Variants in LSAMP observed in about 807,000 individuals in gnomAD.
LSAMP encodes the protein limbic system-associated membrane protein.
Under a neutral mutation model 38.6 loss-of-function variants are expected in LSAMP, and 7 were observed. That is an observed-to-expected ratio of 0.18 (90% confidence interval 0.10 to 0.34). The LOEUF (loss-of-function observed/expected upper bound fraction) is 0.34, where lower values mean the gene tolerates loss of function less well. Among genes scored for constraint, LSAMP ranks in the 10% least tolerant of loss-of-function variants. The probability of loss-of-function intolerance (pLI) is 1.00; values close to 1 mark genes in which losing one functional copy is unlikely to be tolerated. For missense variants in LSAMP, 313 were observed against 420.0 expected (o/e 0.75, Z 2.23); for synonymous variants, 154 against 166.8 (o/e 0.92, Z 0.59).
intron 3 of LSAMP, among the ~76,000 whole-genome samples, chr3:115,894,403 C>CG (rs886585337): frequency 6.6e-6 from 1 of 151,934 alleles, no homozygotes; most frequent in African/African-American, 2.4e-5. Context: ...CCAAGACCCT[C>CG]GGTACTCTCT....
chr3:116,207,359 A>G (rs896985901), intron 1 of LSAMP, among the ~76,000 whole-genome samples: 1 of 151,944 alleles, frequency 6.6e-6, no homozygotes, highest in Non-Finnish European at 1.5e-5. Flanking sequence ...TCTTTATCCA[A>G]TTTGCCAGTC....
At chr3:116,397,396 CA>C (rs1322649209) in intron 1 of LSAMP, among the ~76,000 whole-genome samples, 54 of 138,960 alleles carry the variant, frequency 3.9e-4, no homozygotes, top group Non-Finnish European at 5.3e-4. Flanking sequence ...GCCCCCCCCC[CA>C]CACACACATA....
chr3:116,100,659 T>A (rs1313463952), intron 1 of LSAMP, among the ~76,000 whole-genome samples: 1 of 152,166 alleles, frequency 6.6e-6, no homozygotes, highest in Non-Finnish European at 1.5e-5. Flanking sequence ...TCTTTCATAG[T>A]GAACAGAATG....
At chr3:116,109,224 A>G (rs1332627091) in intron 1 of LSAMP, among the ~76,000 whole-genome samples, 1 of 152,146 alleles carries the variant, frequency 6.6e-6, no homozygotes, top group African/African-American at 2.4e-5. Context: ...TTTAAGAGTA[A>G]ATTGCTGGGC....
chr3:116,436,909 A>T (rs951917468), intron 1 of LSAMP, among the ~76,000 whole-genome samples: 2 of 152,084 alleles, frequency 1.3e-5, no homozygotes, highest in African/African-American at 4.8e-5. Context: ...ATAGCAGCAC[A>T]ATTCACAACT....
At chr3:115,949,252 C>T (rs971150655) in intron 3 of LSAMP, among the ~76,000 whole-genome samples, 14 of 152,114 alleles carry the variant, frequency 9.2e-5, no homozygotes, top group Admixed American at 3.9e-4. Context: ...GAAAAAGACC[C>T]TGTCTCTAAA....
intron 1 of LSAMP, 22 bp downstream of exon 1, chr3:116,444,855 A>C: frequency 6.2e-7 from 1 of 1,613,754 alleles, no homozygotes; most frequent in South Asian, 1.1e-5. Flanking sequence ...CGCGCAGCAG[A>C]AAAGTTGCCC....
At chr3:116,245,320 G>T (rs1289982279) in intron 1 of LSAMP, among the ~76,000 whole-genome samples, 1 of 152,036 alleles carries the variant, frequency 6.6e-6, no homozygotes, top group Non-Finnish European at 1.5e-5. Context: ...ATAAATTTTG[G>T]CTGTTTCAGT....
intron 3 of LSAMP, among the ~76,000 whole-genome samples, chr3:115,896,153 C>T (rs539343968): frequency 9.2e-5 from 14 of 152,064 alleles, no homozygotes; most frequent in Admixed American, 2.6e-4. Flanking sequence ...ATTCTTTCTC[C>T]TTTCTAATTT....
At chr3:115,962,673 T>C (rs1938667684) in intron 3 of LSAMP, among the ~76,000 whole-genome samples, 1 of 152,218 alleles carries the variant, frequency 6.6e-6, no homozygotes, top group Non-Finnish European at 1.5e-5. Context: ...TTTCAACTTT[T>C]AGGTTACTCC....
intron 1 of LSAMP, among the ~76,000 whole-genome samples, chr3:116,318,549 C>T (rs1042727448): frequency 2.0e-5 from 3 of 152,120 alleles, no homozygotes; most frequent in African/African-American, 7.2e-5. Context: ...TAATTAGCTC[C>T]AAGAGAGGTT....
At position 115,808,022 on chromosome 3, in the gene LSAMP, A is replaced by C. The variant is rs1190003189; in HGVS notation, c.*2295T>G. ...AAAACAAACAATAAAATCCCTTAGA[A>C]GAAATTGAAGAAATTAACAATGCTA... On this transcript the variant is annotated 3_prime_UTR_variant, in exon 7 of 7. Transcript: ENST00000490035. The C allele has an allele frequency of 6.6e-6, 1 of 151,928 alleles. No individual in the cohort carries two copies. The highest frequency in any genetic ancestry group is 1.5e-5 in the Non-Finnish European group (1 of 67,936). 9.4% of individuals were successfully genotyped at this position (151,928 alleles called of 1,614,324 possible). A position where few individuals can be genotyped will look rare whatever the true frequency, so the allele number is the denominator to read the frequency against.
rs567194189 is a variant in LSAMP, at chr3:116,272,174, A to T, written c.155+172703T>A. Among the ~76,000 whole-genome samples the T allele has an allele frequency of 3.9e-4, 59 of 152,098 alleles. 2 individuals are homozygous for T. The South Asian group carries it at 7.0e-3, about 18-fold the overall frequency. ...AATATATATATATATAATAAAAACAACACAGAAACTATGTATGTGCGAATA... is the reference window on the plus strand; with the variant it reads ...AATATATATATATATAATAAAAACATCACAGAAACTATGTATGTGCGAATA... On this transcript the variant is annotated intron_variant, in intron 1 of 6. Coordinates refer to ENST00000490035, the MANE Select transcript of LSAMP (RefSeq NM_002338.5).
At chr3:116,119,162 AT>A (rs1300393671) in intron 1 of LSAMP, among the ~76,000 whole-genome samples, 1 of 152,198 alleles carries the variant, frequency 6.6e-6, no homozygotes, top group Non-Finnish European at 1.5e-5. Flanking sequence ...ACATTGCCTC[AT>A]TCCAGAGAAA....
At chr3:116,354,877 G>GCA (rs1336929489) in intron 1 of LSAMP, among the ~76,000 whole-genome samples, 2 of 150,004 alleles carry the variant, frequency 1.3e-5, no homozygotes, top group African/African-American at 4.9e-5. Flanking sequence ...GTGTGTGTGT[G>GCA]TGCATGTGTG....
intron 3 of LSAMP, among the ~76,000 whole-genome samples, chr3:115,933,799 A>C (rs1215023099): frequency 6.6e-6 from 1 of 152,194 alleles, no homozygotes; most frequent in Non-Finnish European, 1.5e-5. Flanking sequence ...GAGTCAGCAG[A>C]GTCAAAGCTG....
chr3:116,155,261 G>A (rs959454594), intron 1 of LSAMP, among the ~76,000 whole-genome samples: 7 of 151,856 alleles, frequency 4.6e-5, no homozygotes, highest in African/African-American at 1.7e-4. Context: ...TTTTGCTCTT[G>A]TTGCCCAGGC....
chr3:115,852,897 C>A lies in LSAMP; in HGVS notation c.515-280G>T, dbSNP rs186915030. Among the ~76,000 whole-genome samples the A allele has an allele frequency of 2.7e-3, 417 of 152,250 alleles. 1 individual carries two copies. The highest frequency in any genetic ancestry group is 4.0e-3 in the Non-Finnish European group (272 of 68,020). On this transcript the variant is annotated intron_variant, in intron 3 of 6. Coordinates refer to ENST00000490035, the MANE Select transcript of LSAMP (RefSeq NM_002338.5). ...GGGTGCAATGCCAAGCTAAGTCCCA[C>A]AGAGAGCAACTGTGGCTCAGTCTTT...
intron 1 of LSAMP, among the ~76,000 whole-genome samples, chr3:116,095,934 G>A (rs1345260963): frequency 6.6e-6 from 1 of 152,152 alleles, no homozygotes. Context: ...GGTGGCGATA[G>A]GTTTAGGCTA....
Sources: gnomAD v4.1 joint callset for allele counts (sites outside exome capture counted in the v4.1 genomes callset) on GRCh38, gnomAD v4.1.1 for gene constraint, MANE v1.5 for transcripts, NCBI Gene and HGNC (gene_info 2026-07-23, HGNC 2026-07-21) for gene names.